H6PD: variants seen among roughly 807,000 people sequenced by gnomAD.
The protein encoded by H6PD is GDH/6PGL endoplasmic bifunctional protein.
A neutral mutation model predicts 61.2 loss-of-function variants in H6PD; 48 were observed. The ratio of observed to expected loss-of-function variants is 0.78; its 90% confidence interval spans 0.62 to 1.00. The LOEUF (loss-of-function observed/expected upper bound fraction) is 1.00. H6PD is among the 50% of genes least tolerant of loss of function. The pLI is 0.00. For synonymous variants in H6PD, 480 were observed against 457.9 expected (o/e 1.05, Z -0.62); for missense variants, 1,093 against 1,065.0 (o/e 1.03, Z -0.37).
Position 9,245,260 on chromosome 1 carries a change from G to A in H6PD, c.326G>A (p.Arg109His), listed in dbSNP as rs752399331. The part of the protein sequence containing the change: ...KDQFLQLSQY[R>H]QLKTAEDYQA... ...CAGTTCCTGCAGCTGAGCCAGTACC[G>A]CCAACTGAAGACGGCCGAGGACTAT... The change falls in exon 2 of 5, where the codon CGC (arginine) becomes CAC (histidine). Residue 109 changes from arginine (R) to histidine (H), a missense_variant. Transcript: ENST00000377403. The surrounding 1 kb of genome is among the most constrained non-coding windows in gnomAD (Gnocchi z 4.8). The A allele has an allele frequency of 8.1e-6, 13 of 1,614,014 alleles. No homozygotes were observed. Among genetic ancestry groups the A allele is most frequent in the Admixed American group, 6.7e-5 (4 of 59,990 alleles).
At chr1:9,235,332 C>G (rs528227588) in intron 1 of H6PD, among the ~76,000 whole-genome samples, 28 of 152,260 alleles carry the variant, frequency 1.8e-4, no homozygotes, top group African/African-American at 6.5e-4. Flanking sequence ...CCTGCTTAAT[C>G]TTTGGCATTG....
chr1:9,250,530 A>G (rs1267789578), intron 3 of H6PD, among the ~76,000 whole-genome samples: 1 of 111,546 alleles, frequency 9.0e-6, no homozygotes, highest in Non-Finnish European at 1.9e-5. Flanking sequence ...CCCACTCCCC[A>G]CCCCACACAT....
Position 9,265,397 on chromosome 1 carries a change from G to T in H6PD, c.*528G>T. ...GGGACTGTCTTGAGACCCTGAGGGG[G>T]TCAAGCCCCTCCTTCCCCAGCTGCC... On this transcript the variant is annotated 3_prime_UTR_variant, in exon 5 of 5. Transcript: ENST00000377403. 1 of 188,692 alleles carries T rather than the reference G, an allele frequency of 5.3e-6. No individual in the cohort carries two copies. Among genetic ancestry groups the T allele is most frequent in the Non-Finnish European group, 1.1e-5 (1 of 89,428 alleles). 11.7% of individuals were successfully genotyped at this position (188,692 alleles called of 1,614,324 possible).
rs767596767 is a variant in H6PD, at chr1:9,244,926, CACCCA to C, written c.-8_-4del. On this transcript the variant is annotated splice_region_variant and 5_prime_UTR_variant, in exon 2 of 5. Transcript: ENST00000377403. ...CGTCTGTCTCTCTTTGCACCCCAGG[CACCCA>C]GGCATGTGGAATATGCTCATAGTGG... 3.4e-6 allele frequency: 4 copies of C among 1,182,382 alleles called. No homozygotes were observed. In the Admixed American group the frequency reaches 9.8e-5, roughly 29 times the overall value. 73.2% of individuals were successfully genotyped at this position (1,182,382 alleles called of 1,614,324 possible). A position where few individuals can be genotyped will look rare whatever the true frequency, so the allele number is the denominator to read the frequency against.
intron 1 of H6PD, among the ~76,000 whole-genome samples, chr1:9,236,233 C>T (rs1235173533): frequency 1.3e-5 from 2 of 152,136 alleles, no homozygotes; most frequent in Non-Finnish European, 2.9e-5. Context: ...TCAGGTGATC[C>T]ACCACCTCGG....
chr1:9,255,353 C>G (rs1480859010), intron 3 of H6PD, among the ~76,000 whole-genome samples: 1 of 152,088 alleles, frequency 6.6e-6, no homozygotes, highest in African/African-American at 2.4e-5. Flanking sequence ...GCAATCATAG[C>G]CCACTGCAGC....
rs371552057 is a variant in H6PD at position 9,246,957 on chromosome 1, C to A, written c.628-9C>A. On this transcript the variant is annotated splice_polypyrimidine_tract_variant and intron_variant, in intron 2 of 4. Transcript: ENST00000377403. ...TCCTGCAGCACGCCCAGTCTTCCCC[C>A]CCCGACAGGCTGTGGCGCAGATCCT... 9.4e-6 allele frequency: 15 copies of A among 1,594,992 alleles called. No individual in the cohort carries two copies. The highest frequency in any genetic ancestry group is 3.3e-5 in the South Asian group (3 of 90,802).
At position 9,263,856 on chromosome 1, in the gene H6PD, C is replaced by T. The variant is rs371234309; in HGVS notation, c.1363C>T (p.Arg455Trp). ...DYYAYSPVRERDAHSVLLSHI... is the reference protein window; with the variant it reads ...DYYAYSPVREWDAHSVLLSHI... Reference sequence around the variant, plus strand: ...CTACGCCTACAGCCCTGTGCGGGAGCGGGACGCCCACTCCGTCCTCTTATC... The same window carrying T: ...CTACGCCTACAGCCCTGTGCGGGAGTGGGACGCCCACTCCGTCCTCTTATC... The change falls in exon 5 of 5, where the codon CGG (arginine) becomes TGG (tryptophan). Residue 455 changes from arginine to tryptophan, a missense_variant. Physicochemically the swap from Arg to Trp is moderately radical, Grantham distance 101 (BLOSUM62 -3). Coordinates refer to ENST00000377403, the MANE Select transcript of H6PD (RefSeq NM_004285.4). 6.2e-6 allele frequency: 10 copies of T among 1,613,618 alleles called. No individual in the cohort carries two copies. The highest frequency in any genetic ancestry group is 4.0e-5 in the African/African-American group (3 of 74,926).
chr1:9,241,715 A>G (rs1461502963), intron 1 of H6PD, among the ~76,000 whole-genome samples: 1 of 152,162 alleles, frequency 6.6e-6, no homozygotes, highest in Non-Finnish European at 1.5e-5. Flanking sequence ...AGCTGACTTA[A>G]TTAGATCACG....
intron 1 of H6PD, chr1:9,242,508 A>C (rs895831246): frequency 8.5e-6 from 8 of 941,500 alleles, no homozygotes; most frequent in Non-Finnish European, 1.3e-6. Flanking sequence ...GGCCAACCTC[A>C]GAACCGGGGA....
At chr1:9,258,826 TTGTTA>T (rs1235634686) in intron 3 of H6PD, among the ~76,000 whole-genome samples, 12 of 151,754 alleles carry the variant, frequency 7.9e-5, no homozygotes, top group Non-Finnish European at 1.3e-4. Context: ...TACTCTGGTG[TTGTTA>T]TGTTGTTGTT....
Position 9,264,582 on chromosome 1 carries a change from G to A in H6PD, c.2089G>A (p.Gly697Arg), listed in dbSNP as rs1394836039. Residue 697 changes from glycine to arginine, a missense_variant, in exon 5 of 5, where the codon GGG (glycine) becomes AGG (arginine). Gly to Arg is a moderately radical substitution (Grantham distance 125). Transcript: ENST00000377403. ...DLVLLGMGAD[G>R]HTASLFPQSP... ...GGTGCTGCTGGGCATGGGTGCCGAC[G>A]GGCACACAGCCTCCCTCTTCCCACA... 2.0e-5 allele frequency: 33 copies of A among 1,613,120 alleles called. No individual in the cohort carries two copies. Among genetic ancestry groups the A allele is most frequent in the Non-Finnish European group, 2.6e-5 (31 of 1,179,962 alleles).
In H6PD at chr1:9,234,809, C is replaced by T. The variant is rs1238242766; in HGVS notation, c.-268C>T. On this transcript the variant is annotated 5_prime_UTR_variant, in exon 1 of 5. Transcript: ENST00000377403. ...AGCGCAAGGCGGTGGAGGCCTGAGG[C>T]CTGAGGCCTGGGGCGGGGTGGCGGC... 1 of 147,358 alleles carries T rather than the reference C, an allele frequency of 6.8e-6. No individual in the cohort carries two copies. Among genetic ancestry groups the T allele is most frequent in the Non-Finnish European group, 1.5e-5 (1 of 66,366 alleles). The allele number at this position is 147,358 out of a possible 1,614,324, so 9.1% of individuals were successfully genotyped here.
rs1002730146 is a variant in H6PD at position 9,267,999 on chromosome 1, A to G, written c.*3130A>G. On this transcript the variant is annotated 3_prime_UTR_variant, in exon 5 of 5. Transcript: ENST00000377403. The stretch of plus-strand genomic sequence containing the variant: ...GGCTCATGCCTGTAATCCCAGCACT[A>G]TGGGAGGCTGAGGTGAGAGGATCAC... 6.6e-6 allele frequency: 1 copy of G among 152,096 alleles called. No individual in the cohort carries two copies. Among genetic ancestry groups the G allele is most frequent in the Non-Finnish European group, 1.5e-5 (1 of 68,036 alleles). The allele number at this position is 152,096 out of a possible 1,614,324, so 9.4% of individuals were successfully genotyped here. A position where few individuals can be genotyped will look rare whatever the true frequency, so the allele number is the denominator to read the frequency against.
intron 1 of H6PD, chr1:9,242,677 C>T (rs910981124): frequency 2.0e-6 from 2 of 985,492 alleles, no homozygotes; most frequent in East Asian, 2.3e-4. Context: ...GGGGCTCCCC[C>T]ACCTGCCCAT....
rs749719166 is a variant in H6PD at position 9,246,960 on chromosome 1, C to CG, written c.628-5dup. ...TGCAGCACGCCCAGTCTTCCCCCCCCGACAGGCTGTGGCGCAGATCCTGCC... is the reference window on the plus strand; with the variant it reads ...TGCAGCACGCCCAGTCTTCCCCCCCCGGACAGGCTGTGGCGCAGATCCTGCC... On this transcript the variant is annotated splice_region_variant and splice_polypyrimidine_tract_variant and intron_variant, in intron 2 of 4. Coordinates refer to ENST00000377403, the MANE Select transcript of H6PD (RefSeq NM_004285.4). 1 of 1,601,744 alleles carries CG rather than the reference C, an allele frequency of 6.2e-7. No individual in the cohort carries two copies. The highest frequency in any genetic ancestry group is 1.3e-5 in the African/African-American group (1 of 74,690).
In H6PD at chr1:9,244,919, CCCCAGGCA is replaced by C; in HGVS notation, c.-7_1del. The stretch of plus-strand genomic sequence containing the variant: ...TGTTCCTCGTCTGTCTCTCTTTGCA[CCCCAGGCA>C]CCCAGGCATGTGGAATATGCTCATA... On this transcript the variant is annotated splice_acceptor_variant and splice_polypyrimidine_tract_variant and 5_prime_UTR_variant and intron_variant, in exon 2 of 5. Transcript: ENST00000377403. LOFTEE classifies it low-confidence loss of function (5UTR_SPLICE). 232,128 of 1,609,272 alleles carry C rather than the reference CCCCAGGCA, an allele frequency of 0.14. 18,758 individuals are homozygous for C. The highest frequency in any genetic ancestry group is 0.29 in the Admixed American group (17,313 of 59,670).
intron 2 of H6PD, among the ~76,000 whole-genome samples, chr1:9,246,256 T>C (rs1238943312): frequency 6.6e-6 from 1 of 152,214 alleles, no homozygotes; most frequent in African/African-American, 2.4e-5. Context: ...ATCTACCTTT[T>C]TTCAAAATGT....
Position 9,264,715 on chromosome 1 carries a change from A to T in H6PD, c.2222A>T (p.Lys741Met). 1 of 1,613,356 alleles carries T rather than the reference A, an allele frequency of 6.2e-7. No homozygotes were observed. The part of the protein sequence containing the change: ...LSLPLINRAK[K>M]VAVLVMGRMK... ...CTGCCTCTCATCAACCGCGCCAAGA[A>T]GGTGGCAGTCCTGGTCATGGGCAGG... The change falls in exon 5 of 5, where the codon AAG (lysine) becomes ATG (methionine). Residue 741 changes from lysine to methionine, a missense_variant. Lys to Met is a moderately conservative substitution (Grantham distance 95). Coordinates refer to ENST00000377403, the MANE Select transcript of H6PD (RefSeq NM_004285.4).
Sources: allele counts gnomAD v4.1 joint callset (sites outside exome capture counted in the v4.1 genomes callset), GRCh38; gene constraint gnomAD v4.1.1; non-coding constraint Gnocchi (gnomAD v3.1); transcripts MANE v1.5; gene names NCBI Gene and HGNC (gene_info 2026-07-23, HGNC 2026-07-21).